The following LDLRAD4 variants were observed in gnomAD, a reference collection of about 807,000 sequenced individuals.
LDLRAD4 encodes the protein low-density lipoprotein receptor class A domain-containing protein 4.
In LDLRAD4, 5 loss-of-function variants were observed where a neutral mutation model predicts 17.0. The ratio of observed to expected loss-of-function variants is 0.29; its 90% confidence interval spans 0.15 to 0.62. The LOEUF (loss-of-function observed/expected upper bound fraction) is 0.62, where lower values mean the gene tolerates loss of function less well. Among genes scored for constraint, LDLRAD4 ranks in the 20% least tolerant of loss-of-function variants. The pLI is 0.84. For missense variants in LDLRAD4, 340 were observed against 424.7 expected (o/e 0.80, Z 1.75); for synonymous variants, 168 against 171.8 (o/e 0.98, Z 0.17).
At position 13,262,969 on chromosome 18, in the gene LDLRAD4, T is replaced by C. The variant is rs866757417; in HGVS notation, c.-466-15136T>C. Among the ~76,000 whole-genome samples, 449 of 95,202 alleles carry C rather than the reference T, an allele frequency of 4.7e-3. 38 individuals are homozygous for C. Among genetic ancestry groups the C allele is most frequent in the African/African-American group, 0.022 (390 of 18,108 alleles). The allele number at this position is 95,202 out of a possible 152,430, so 62.5% of individuals were successfully genotyped here. On this transcript the variant is annotated intron_variant, in intron 1 of 5. Coordinates refer to the LDLRAD4 transcript ENST00000399848. ...GCGTGGGGGCTGAGTCCCGTGCGGC[T>C]CTGTTTGTGGGGGTTGAGTCCCGTG... is the stretch of plus-strand genomic sequence containing the variant.
At chr18:13,413,258 G>T (rs903312078) in intron 2 of LDLRAD4, among the ~76,000 whole-genome samples, 1 of 152,202 alleles carries the variant, frequency 6.6e-6, no homozygotes, top group Admixed American at 6.5e-5. Context: ...AAGTGGGGAG[G>T]GAAGGAGGTT....
At chr18:13,226,952 T>G (rs1458182811) in intron 1 of LDLRAD4, among the ~76,000 whole-genome samples, 1 of 152,178 alleles carries the variant, frequency 6.6e-6, no homozygotes, top group Admixed American at 6.5e-5. Context: ...AGCACCTGGC[T>G]GTCTGGATAG....
chr18:13,364,277 A>G (rs1439102157), intron 1 of LDLRAD4, among the ~76,000 whole-genome samples: 1 of 152,160 alleles, frequency 6.6e-6, no homozygotes, highest in Non-Finnish European at 1.5e-5. Flanking sequence ...TTTTTTTCCC[A>G]CAGTGAACAT....
In LDLRAD4 at chr18:13,261,074, C is replaced by T. The variant is rs1273578169; in HGVS notation, c.-466-17031C>T. The stretch of plus-strand genomic sequence containing the variant: ...GCGTTCACAGCCCCCTCATTCCTCT[C>T]CTAGGTGATGGTGCTGTGGGCTTTC... On this transcript the variant is annotated intron_variant, in intron 1 of 5. Transcript: ENST00000399848. Among the ~76,000 whole-genome samples the T allele has an allele frequency of 2.0e-5, 3 of 152,228 alleles. No homozygotes were observed. In the East Asian group the frequency reaches 5.8e-4, roughly 29 times the overall value.
chr18:13,403,929 C>T (rs1426358597), intron 2 of LDLRAD4, among the ~76,000 whole-genome samples: 2 of 152,180 alleles, frequency 1.3e-5, no homozygotes, highest in Non-Finnish European at 2.9e-5. Context: ...CATCTGGATG[C>T]GCCCTGTCCC....
At chr18:13,224,474 CTTTTT>C (rs10676168) in intron 1 of LDLRAD4, among the ~76,000 whole-genome samples, 5 of 87,886 alleles carry the variant, frequency 5.7e-5, no homozygotes, top group South Asian at 4.7e-4. Flanking sequence ...TTCTTTCTTT[CTTTTT>C]TTTTTTTTTT....
intron 1 of LDLRAD4, among the ~76,000 whole-genome samples, chr18:13,264,549 T>C (rs1403562069): frequency 6.6e-6 from 1 of 151,842 alleles, no homozygotes; most frequent in African/African-American, 2.4e-5. Flanking sequence ...ATTGCTTAGG[T>C]GATGGCATTC....
chr18:13,492,522 CCTT>C (rs1010329631), intron 3 of LDLRAD4, among the ~76,000 whole-genome samples: 4 of 152,182 alleles, frequency 2.6e-5, no homozygotes, highest in Non-Finnish European at 5.9e-5. Context: ...TTGGCAAACA[CCTT>C]CTTCTCCAGC....
intron 3 of LDLRAD4, among the ~76,000 whole-genome samples, chr18:13,478,857 C>T (rs955413947): frequency 3.9e-5 from 6 of 152,280 alleles, no homozygotes; most frequent in Admixed American, 1.3e-4. Context: ...GGAGAAATGA[C>T]GCTGCCTGCC....
intron 3 of LDLRAD4, among the ~76,000 whole-genome samples, chr18:13,610,829 C>T (rs1463207816): frequency 6.6e-6 from 1 of 152,142 alleles, no homozygotes; most frequent in Non-Finnish European, 1.5e-5. Context: ...ACTCCCTCTT[C>T]ATTCACCCAG....
intron 4 of LDLRAD4, chr18:13,641,955 C>A (rs1171769831): frequency 1.0e-6 from 1 of 985,422 alleles, no homozygotes; most frequent in Non-Finnish European, 1.2e-6. Context: ...GCGAGGAGCG[C>A]CCCTGCGGGC....
chr18:13,578,821 C>T (rs1473719972), intron 3 of LDLRAD4, among the ~76,000 whole-genome samples: 2 of 79,596 alleles, frequency 2.5e-5, no homozygotes, highest in Non-Finnish European at 5.3e-5. Context: ...TAAAAGTTGT[C>T]CGGGTCTTTT....
intron 1 of LDLRAD4, among the ~76,000 whole-genome samples, chr18:13,354,358 A>C (rs906117043): frequency 2.0e-5 from 3 of 152,188 alleles, no homozygotes; most frequent in Admixed American, 2.0e-4. Context: ...ACAACTTTTT[A>C]TTTATGAAAA....
chr18:13,603,711 C>T (rs918929473), intron 3 of LDLRAD4, among the ~76,000 whole-genome samples: 1 of 152,240 alleles, frequency 6.6e-6, no homozygotes, highest in African/African-American at 2.4e-5. Flanking sequence ...CTGTGTGCTC[C>T]TGCAGCACAT....
chr18:13,610,477 G>A (rs1372809698), intron 3 of LDLRAD4, among the ~76,000 whole-genome samples: 13 of 151,384 alleles, frequency 8.6e-5, no homozygotes, highest in African/African-American at 2.4e-4. Flanking sequence ...TAGTAGAGAC[G>A]GGTTTCGCCA....
chr18:13,576,436 A>AG (rs2094773544), intron 3 of LDLRAD4, among the ~76,000 whole-genome samples: 1 of 84,706 alleles, frequency 1.2e-5, no homozygotes, highest in African/African-American at 3.0e-5. Flanking sequence ...AAAAAAAAAA[A>AG]AAAAGAAAGA....
At chr18:13,577,762 G>T (rs1424874480) in intron 3 of LDLRAD4, among the ~76,000 whole-genome samples, 4 of 152,194 alleles carry the variant, frequency 2.6e-5, no homozygotes, top group African/African-American at 9.7e-5. Context: ...AAATTCTAAT[G>T]TAGTTTGGCC....
At chr18:13,420,387 A>C (rs1407136887) in intron 2 of LDLRAD4, 1 of 152,254 alleles carries the variant, frequency 6.6e-6, no homozygotes, top group East Asian at 1.9e-4. Flanking sequence ...TATAAGGAGG[A>C]AATTACATAA....
intron 3 of LDLRAD4, among the ~76,000 whole-genome samples, chr18:13,595,337 T>C (rs2095082413): frequency 6.6e-6 from 1 of 152,262 alleles, no homozygotes; most frequent in South Asian, 2.1e-4. Flanking sequence ...TTTCTTAATG[T>C]AGGCTTTTAC....
Sources: gnomAD v4.1 joint callset for allele counts (sites outside exome capture counted in the v4.1 genomes callset) on GRCh38, gnomAD v4.1.1 for gene constraint, MANE v1.5 for transcripts, NCBI Gene and HGNC (gene_info 2026-07-23, HGNC 2026-07-21) for gene names.